Variants in CAMTA1 observed in about 807,000 individuals in gnomAD.
The protein encoded by CAMTA1 is calmodulin binding transcription activator 1.
Under a neutral mutation model 170.9 loss-of-function variants are expected in CAMTA1, and 27 were observed. That is an observed-to-expected ratio of 0.16 (90% CI 0.12 to 0.22). The LOEUF (loss-of-function observed/expected upper bound fraction) is 0.22, where lower values mean the gene tolerates loss of function less well. CAMTA1 is among the 10% of genes least tolerant of loss of function. CAMTA1 has a pLI of 1.00. For missense variants in CAMTA1, 1,619 were observed against 2,217.2 expected, an observed-to-expected ratio of 0.73 and a Z score of 5.42; for synonymous variants, 833 against 891.5, an observed-to-expected ratio of 0.93 and a Z score of 1.17.
At chr1:6,933,747 C>T (rs893639256) in intron 3 of CAMTA1, among the ~76,000 whole-genome samples, 3 of 151,544 alleles carry the variant, frequency 2.0e-5, no homozygotes, top group African/African-American at 7.3e-5. Context: ...CACTGAATTG[C>T]ATTTTGCCCC....
chr1:7,681,799 G>T lies in CAMTA1; in HGVS notation c.2914+4066G>T, dbSNP rs2096208301. Among the ~76,000 whole-genome samples, 1 of 152,242 alleles carries T rather than the reference G, an allele frequency of 6.6e-6. No individual in the cohort carries two copies. The highest frequency in any genetic ancestry group is 1.5e-5 in the Non-Finnish European group (1 of 68,048). Reference sequence around the variant, plus strand: ...TTTACAAAGAGAATAAACCCAGGCAGTTCAACACTGCAGCCCTGGAGCTGA... The same window carrying T: ...TTTACAAAGAGAATAAACCCAGGCATTTCAACACTGCAGCCCTGGAGCTGA... On this transcript the variant is annotated intron_variant, in intron 11 of 22. Coordinates refer to ENST00000303635, the MANE Select transcript of CAMTA1 (RefSeq NM_015215.4). The surrounding 1 kb of genome is among the most constrained non-coding windows in gnomAD (Gnocchi z 4.6).
Position 7,534,748 on chromosome 1 carries a change from G to A in CAMTA1, c.510+66847G>A, listed in dbSNP as rs1207295109. Among the ~76,000 whole-genome samples the A allele has an allele frequency of 2.0e-5, 3 of 152,182 alleles. No homozygotes were observed. The highest frequency in any genetic ancestry group is 2.9e-5 in the Non-Finnish European group (2 of 68,036). Reference sequence around the variant, plus strand: ...CCACAGGGGGCAGAGTTGGGGCCTGGGGGGCTGCTGCTGGGTCAGTTTGGG... The same window carrying A: ...CCACAGGGGGCAGAGTTGGGGCCTGAGGGGCTGCTGCTGGGTCAGTTTGGG... On this transcript the variant is annotated intron_variant, in intron 6 of 22. Coordinates refer to ENST00000303635, the MANE Select transcript of CAMTA1 (RefSeq NM_015215.4). This position sits in a 1 kb window ranked among gnomAD's most constrained non-coding sequence, Gnocchi z 5.6.
intron 5 of CAMTA1, among the ~76,000 whole-genome samples, chr1:7,386,114 G>A (rs1445153066): frequency 6.6e-6 from 1 of 152,188 alleles, no homozygotes; most frequent in Non-Finnish European, 1.5e-5. Context: ...AGAGACACAT[G>A]CGCACAGCCC....
rs531877986 is a variant in CAMTA1, at chr1:6,879,747, A to G, written c.234+54537A>G. 2.0e-5 allele frequency among the ~76,000 whole-genome samples: 3 copies of G among 147,626 alleles called. No homozygotes were observed. The South Asian group carries it at 6.5e-4, about 32-fold the overall frequency. Reference sequence around the variant, plus strand: ...AGGCCCAAGCAGGCCTCCTGCCTCAACCTCCCGAGTAGCTGGGACTACCTT... The same window carrying G: ...AGGCCCAAGCAGGCCTCCTGCCTCAGCCTCCCGAGTAGCTGGGACTACCTT... On this transcript the variant is annotated intron_variant, in intron 3 of 22. Transcript: ENST00000303635.
rs536621406 is a variant in CAMTA1, at chr1:7,412,073, G to A, written c.439-55757G>A. ...GATTTCCAGTTTCATCCATGTCCCT[G>A]CAAAGGACATGAACTCATCATTTTT... is the stretch of plus-strand genomic sequence containing the variant. On this transcript the variant is annotated intron_variant, in intron 5 of 22. Transcript: ENST00000303635. Among the ~76,000 whole-genome samples the A allele has an allele frequency of 2.8e-3, 426 of 152,066 alleles. 2 individuals are homozygous for A. Among genetic ancestry groups the A allele is most frequent in the Middle Eastern group, 0.01 (3 of 294 alleles).
At chr1:7,438,670 G>A (rs113643323) in intron 5 of CAMTA1, among the ~76,000 whole-genome samples, 8 of 152,182 alleles carry the variant, frequency 5.3e-5, no homozygotes, top group African/African-American at 1.9e-4. Context: ...TGTCTCCTCC[G>A]AGGGGCAAGG....
intron 5 of CAMTA1, among the ~76,000 whole-genome samples, chr1:7,261,112 G>A (rs191205746): frequency 5.9e-5 from 9 of 152,212 alleles, no homozygotes; most frequent in Admixed American, 1.3e-4. Flanking sequence ...CTTAGGGAGC[G>A]TACATATCAA....
intron 3 of CAMTA1, among the ~76,000 whole-genome samples, chr1:6,902,904 G>C (rs1403696100): frequency 6.6e-6 from 1 of 152,116 alleles, no homozygotes; most frequent in Non-Finnish European, 1.5e-5. Context: ...TTGATTGGCA[G>C]GTTTTCTTTC....
At chr1:7,698,088 C>CCA (rs1491340648) in intron 11 of CAMTA1, among the ~76,000 whole-genome samples, 3 of 96,104 alleles carry the variant, frequency 3.1e-5, no homozygotes, top group Non-Finnish European at 4.7e-5. Context: ...CCCCCCCCCC[C>CCA]ACCAACATGG....
intron 5 of CAMTA1, among the ~76,000 whole-genome samples, chr1:7,433,108 A>G (rs957796164): frequency 2.0e-5 from 3 of 152,208 alleles, no homozygotes; most frequent in African/African-American, 4.8e-5. Flanking sequence ...GCCTTATTCA[A>G]TAGAGCCAGG....
intron 3 of CAMTA1, among the ~76,000 whole-genome samples, chr1:7,024,001 C>T (rs1245804908): frequency 6.9e-6 from 1 of 145,714 alleles, no homozygotes; most frequent in Non-Finnish European, 1.5e-5. Flanking sequence ...GGCACTGCAG[C>T]CTGGGGGACA....
At chr1:6,916,394 C>T (rs1018234903) in intron 3 of CAMTA1, among the ~76,000 whole-genome samples, 61 of 152,310 alleles carry the variant, frequency 4.0e-4, no homozygotes, top group African/African-American at 1.1e-3. Flanking sequence ...AAGGCCCGCC[C>T]CACCTCTGAA....
At chr1:7,629,361 G>A (rs950789902) in intron 6 of CAMTA1, among the ~76,000 whole-genome samples, 4 of 152,190 alleles carry the variant, frequency 2.6e-5, no homozygotes, top group Non-Finnish European at 4.4e-5. Context: ...CCAGCATCCC[G>A]ATCTCTTGCA....
chr1:7,628,544 G>A (rs980023831), intron 6 of CAMTA1, among the ~76,000 whole-genome samples: 1 of 152,234 alleles, frequency 6.6e-6, no homozygotes, highest in African/African-American at 2.4e-5. Context: ...AGTCCAGCAG[G>A]GATGGTGGCA....
At chr1:6,785,948 C>G (rs1174402754) in intron 1 of CAMTA1, among the ~76,000 whole-genome samples, 1 of 149,330 alleles carries the variant, frequency 6.7e-6, no homozygotes, top group Non-Finnish European at 1.5e-5. Context: ...GCGCGGCCCC[C>G]GCACCCCCGG....
chr1:7,116,654 CT>C (rs34283711), intron 4 of CAMTA1, among the ~76,000 whole-genome samples: 2,561 of 143,412 alleles, frequency 0.018, 55 homozygotes, highest in African/African-American at 0.048. Context: ...TTCTTTCTTT[CT>C]TTTTTTTTTT....
intron 5 of CAMTA1, among the ~76,000 whole-genome samples, chr1:7,461,329 G>A (rs1387938467): frequency 6.6e-6 from 1 of 152,144 alleles, no homozygotes; most frequent in Non-Finnish European, 1.5e-5. Flanking sequence ...CAGTGTCTTT[G>A]CCAAACATCT....
At chr1:7,002,321 G>A (rs574705715) in intron 3 of CAMTA1, among the ~76,000 whole-genome samples, 9 of 152,182 alleles carry the variant, frequency 5.9e-5, no homozygotes, top group Non-Finnish European at 1.2e-4. Flanking sequence ...GGAGTCAGGA[G>A]ACCCACCTGC....
intron 3 of CAMTA1, among the ~76,000 whole-genome samples, chr1:6,922,285 G>T (rs1682185542): frequency 6.6e-6 from 1 of 152,188 alleles, no homozygotes. Context: ...CAGCTAGTGA[G>T]ATTTGTGTAT....
Sources: allele counts gnomAD v4.1 joint callset (sites outside exome capture counted in the v4.1 genomes callset), GRCh38; gene constraint gnomAD v4.1.1; non-coding constraint Gnocchi (gnomAD v3.1); transcripts MANE v1.5; gene names NCBI Gene and HGNC (gene_info 2026-07-23, HGNC 2026-07-21).